MYADML2: variants seen among roughly 807,000 people sequenced by gnomAD.
MYADML2 encodes the protein myeloid associated differentiation marker like 2.
In MYADML2, 17 loss-of-function variants were observed where a neutral mutation model predicts 16.0. The ratio of observed to expected loss-of-function variants is 1.06; its 90% CI spans 0.73 to 1.60. MYADML2 has a LOEUF of 1.60. Ranked by LOEUF, MYADML2 falls within the 40% of genes most tolerant of loss-of-function variation. MYADML2 has a pLI of 0.00. For synonymous variants in MYADML2, 210 were observed against 208.1 expected (o/e 1.01, Z -0.08); for missense variants, 422 against 437.7 (o/e 0.96, Z 0.32).
chr17:81,946,475 C>T (rs559311669), intron 1 of MYADML2, among the ~76,000 whole-genome samples: 37 of 151,578 alleles, frequency 2.4e-4, no homozygotes, highest in South Asian at 1.3e-3. Context: ...GGTGAAACCC[C>T]GTCTCTACTA....
chr17:81,940,710 G>T lies in MYADML2; in HGVS notation c.*108C>A. 1.6e-6 allele frequency: 2 copies of T among 1,241,232 alleles called. No homozygotes were observed. Among genetic ancestry groups the T allele is most frequent in the Non-Finnish European group, 2.2e-6 (2 of 911,612 alleles). 76.9% of individuals were successfully genotyped at this position (1,241,232 alleles called of 1,614,324 possible). A position where few individuals can be genotyped will look rare whatever the true frequency, so the allele number is the denominator to read the frequency against. On this transcript the variant is annotated 3_prime_UTR_variant, in exon 3 of 3. Coordinates refer to ENST00000409745, the MANE Select transcript of MYADML2 (RefSeq NM_001145113.3). ...GTTGTACTTCATCTCCCCTGAGCCC[G>T]CGGCTTCCCTCCTGCTCGCTACTTG...
In MYADML2 at chr17:81,941,182, C is replaced by T. The variant is rs1259677026; in HGVS notation, c.560G>A (p.Arg187His). 12 of 1,550,192 alleles carry T rather than the reference C, an allele frequency of 7.7e-6. No individual in the cohort carries two copies. The highest frequency in any genetic ancestry group is 2.4e-5 in the East Asian group (1 of 40,920). Reference protein sequence around the residue: ...IIFGALVHDSRYGRYVATQWC... With the variant: ...IIFGALVHDSHYGRYVATQWC... ...CTGGGTGGCCACGTAGCGCCCGTAG[C>T]GGCTGTCATGGACCAGCGCCCCGAA... The change falls in exon 3 of 3, where the codon CGC becomes CAC. Residue 187 changes from arginine to histidine, a missense_variant. Coordinates refer to ENST00000409745, the MANE Select transcript of MYADML2 (RefSeq NM_001145113.3).
chr17:81,941,191 T>G lies in MYADML2; in HGVS notation c.551A>C (p.His184Pro), dbSNP rs879207024. The change falls in exon 3 of 3, where the codon CAT becomes CCT. Residue 184 changes from histidine to proline, a missense_variant. His to Pro is a moderately conservative substitution (Grantham distance 77). Transcript: ENST00000409745. ...VACIIFGALV[H>P]DSRYGRYVAT... ...CACGTAGCGCCCGTAGCGGCTGTCA[T>G]GGACCAGCGCCCCGAAGATGATGCA... 1 of 1,550,058 alleles carries G rather than the reference T, an allele frequency of 6.5e-7. No individual in the cohort carries two copies. Among genetic ancestry groups the G allele is most frequent in the African/African-American group, 1.4e-5 (1 of 73,046 alleles).
In MYADML2 at chr17:81,940,778, G is replaced by T; in HGVS notation, c.*40C>A. 1 of 1,464,510 alleles carries T rather than the reference G, an allele frequency of 6.8e-7. No homozygotes were observed. Among genetic ancestry groups the T allele is most frequent in the Non-Finnish European group, 9.1e-7 (1 of 1,103,280 alleles). The allele number at this position is 1,464,510 out of a possible 1,614,324, so 90.7% of individuals were successfully genotyped here. On this transcript the variant is annotated 3_prime_UTR_variant, in exon 3 of 3. Coordinates refer to ENST00000409745, the MANE Select transcript of MYADML2 (RefSeq NM_001145113.3). ...AGTTTCCCTCGCAGAGCCTGGAGCTGGTGGCCAGAGAGCAGAGGTGGGTGG... is the reference window on the plus strand; with the variant it reads ...AGTTTCCCTCGCAGAGCCTGGAGCTTGTGGCCAGAGAGCAGAGGTGGGTGG...
intron 1 of MYADML2, among the ~76,000 whole-genome samples, chr17:81,945,405 G>A (rs2041337344): frequency 6.6e-6 from 1 of 152,070 alleles, no homozygotes; most frequent in Admixed American, 6.5e-5. Context: ...CAGGCGTGGT[G>A]ATGGGCGCCT....
Position 81,942,015 on chromosome 17 carries a change from G to A in MYADML2, c.-102-172C>T, listed in dbSNP as rs2041309623. On this transcript the variant is annotated intron_variant, in intron 2 of 2. Coordinates refer to ENST00000409745, the MANE Select transcript of MYADML2 (RefSeq NM_001145113.3). The surrounding 1 kb of genome is among the most constrained non-coding windows in gnomAD (Gnocchi z 4.4). ...CATCTGACCCCTGGTCCCCTGTGGAGCCCCTGCCGGGACCATTAACCCATT... is the reference window on the plus strand; with the variant it reads ...CATCTGACCCCTGGTCCCCTGTGGAACCCCTGCCGGGACCATTAACCCATT... The A allele has an allele frequency of 2.5e-6, 1 of 401,426 alleles. No individual in the cohort carries two copies. Among genetic ancestry groups the A allele is most frequent in the East Asian group, 3.8e-5 (1 of 26,306 alleles). The allele number at this position is 401,426 out of a possible 1,614,324, so 24.9% of individuals were successfully genotyped here.
chr17:81,944,308 C>T (rs2041327686), intron 1 of MYADML2, among the ~76,000 whole-genome samples: 1 of 151,512 alleles, frequency 6.6e-6, no homozygotes, highest in Non-Finnish European at 1.5e-5. Flanking sequence ...CCCAGCTCCT[C>T]GGGAGGCTGA....
At chr17:81,945,947 G>C (rs1275422701) in intron 1 of MYADML2, among the ~76,000 whole-genome samples, 3 of 152,116 alleles carry the variant, frequency 2.0e-5, no homozygotes, top group Non-Finnish European at 4.4e-5. Flanking sequence ...TCACAAAACT[G>C]GAGGAGGGGC....
chr17:81,941,376 A>C lies in MYADML2; in HGVS notation c.366T>G (p.Cys122Trp), dbSNP rs1416740809. ...RRECSPEPAGCAARDFRLAAS... is the reference protein window; with the variant it reads ...RRECSPEPAGWAARDFRLAAS... The stretch of plus-strand genomic sequence containing the variant: ...CTGCCAGGCGGAAGTCCCTGGCAGC[A>C]CAGCCGGCGGGCTCGGGGGAACACT... Residue 122 changes from cysteine to tryptophan, a missense_variant, in exon 3 of 3, where the codon TGT becomes TGG. Physicochemically the swap from Cys to Trp is radical, Grantham distance 215. Transcript: ENST00000409745. 3 of 1,548,904 alleles carry C rather than the reference A, an allele frequency of 1.9e-6. No homozygotes were observed. In the Admixed American group the frequency reaches 5.9e-5, roughly 30 times the overall value.
At chr17:81,944,360 G>A (rs2041328219) in intron 1 of MYADML2, among the ~76,000 whole-genome samples, 1 of 150,472 alleles carries the variant, frequency 6.6e-6, no homozygotes, top group Admixed American at 6.6e-5. Flanking sequence ...AGCTTGCAGT[G>A]AGCTGAGATC....
In MYADML2 at chr17:81,941,161, G is replaced by C; in HGVS notation, c.581C>G (p.Thr194Ser). The C allele has an allele frequency of 6.5e-7, 1 of 1,550,230 alleles. No homozygotes were observed. The highest frequency in any genetic ancestry group is 8.7e-7 in the Non-Finnish European group (1 of 1,146,956). The change falls in exon 3 of 3, where the codon ACC (threonine) becomes AGC (serine). Residue 194 changes from threonine to serine, a missense_variant. Transcript: ENST00000409745. ...HDSRYGRYVA[T>S]QWCVAVYSLC... ...GCTGTAGACGGCCACGCACCACTGG[G>C]TGGCCACGTAGCGCCCGTAGCGGCT...
chr17:81,946,462 C>G (rs1004233407), intron 1 of MYADML2, among the ~76,000 whole-genome samples: 5 of 151,676 alleles, frequency 3.3e-5, no homozygotes, highest in Middle Eastern at 3.4e-3. Context: ...TCCTGGCCAA[C>G]GTGGTGAAAC....
At chr17:81,943,897 G>A (rs2041324291) in intron 1 of MYADML2, among the ~76,000 whole-genome samples, 1 of 150,228 alleles carries the variant, frequency 6.7e-6, no homozygotes, top group African/African-American at 2.5e-5. Context: ...GGATCACGAG[G>A]TCAGGAGATA....
chr17:81,943,973 G>C (rs185661816), intron 1 of MYADML2, among the ~76,000 whole-genome samples: 1 of 151,676 alleles, frequency 6.6e-6, no homozygotes, highest in South Asian at 2.1e-4. Flanking sequence ...TTAGCCAGGT[G>C]TGGTGGCACG....
At position 81,939,934 on chromosome 17, in the gene MYADML2, CAG is replaced by C. The variant is rs2041287783; in HGVS notation, c.*882_*883del. 6.6e-6 allele frequency: 1 copy of C among 152,370 alleles called. No homozygotes were observed. The highest frequency in any genetic ancestry group is 1.5e-5 in the Non-Finnish European group (1 of 68,150). 9.4% of individuals were successfully genotyped at this position (152,370 alleles called of 1,614,324 possible). On this transcript the variant is annotated 3_prime_UTR_variant, in exon 3 of 3. Coordinates refer to ENST00000409745, the MANE Select transcript of MYADML2 (RefSeq NM_001145113.3). ...TCAGCCGGGCTCCCTCCCAGTGCCA[CAG>C]ATGCCCACAGTGCACAGATGCCCGC...
Position 81,940,700 on chromosome 17 carries a change from C to T in MYADML2, c.*118G>A. 8.7e-7 allele frequency: 1 copy of T among 1,143,688 alleles called. No individual in the cohort carries two copies. The highest frequency in any genetic ancestry group is 1.2e-6 in the Non-Finnish European group (1 of 825,062). 70.8% of individuals were successfully genotyped at this position (1,143,688 alleles called of 1,614,324 possible). ...GACCTCTCCCGTTGTACTTCATCTCCCCTGAGCCCGCGGCTTCCCTCCTGC... is the reference window on the plus strand; with the variant it reads ...GACCTCTCCCGTTGTACTTCATCTCTCCTGAGCCCGCGGCTTCCCTCCTGC... On this transcript the variant is annotated 3_prime_UTR_variant, in exon 3 of 3. Coordinates refer to ENST00000409745, the MANE Select transcript of MYADML2 (RefSeq NM_001145113.3).
rs2041286190 is a variant in MYADML2, at chr17:81,939,770, T to A, written c.*1048A>T. On this transcript the variant is annotated 3_prime_UTR_variant, in exon 3 of 3. Coordinates refer to ENST00000409745, the MANE Select transcript of MYADML2 (RefSeq NM_001145113.3). ...CAGGGGTGGCCAGTGGGTCAGCTCC[T>A]GGCTGGACCAGGCTGGGCTTCTGTG... The A allele has an allele frequency of 6.6e-6, 1 of 152,286 alleles. No homozygotes were observed. The allele number at this position is 152,286 out of a possible 1,614,324, so 9.4% of individuals were successfully genotyped here. A position where few individuals can be genotyped will look rare whatever the true frequency, so the allele number is the denominator to read the frequency against.
In MYADML2 at chr17:81,941,792, C is replaced by T; in HGVS notation, c.-51G>A. The T allele has an allele frequency of 6.9e-7, 1 of 1,450,436 alleles. No individual in the cohort carries two copies. The highest frequency in any genetic ancestry group is 9.1e-7 in the Non-Finnish European group (1 of 1,096,252). 89.8% of individuals were successfully genotyped at this position (1,450,436 alleles called of 1,614,324 possible). A position where few individuals can be genotyped will look rare whatever the true frequency, so the allele number is the denominator to read the frequency against. On this transcript the variant is annotated 5_prime_UTR_variant, in exon 3 of 3. Coordinates refer to ENST00000409745, the MANE Select transcript of MYADML2 (RefSeq NM_001145113.3). ...ACAGTCCCCCAAGGCCCTGGGGTCC[C>T]TGCTGGGCCAAGGCCCCTCAGTCCT...
At position 81,942,754 on chromosome 17, in the gene MYADML2, T is replaced by C. The variant is rs1433005185; in HGVS notation, c.-180-381A>G. On this transcript the variant is annotated intron_variant, in intron 1 of 2. Transcript: ENST00000409745. This position sits in a 1 kb window ranked among gnomAD's most constrained non-coding sequence, Gnocchi z 4.4. Reference sequence around the variant, plus strand: ...TTTTAATAGAGACCGGGTTTCACCATGTTGGCCAGGCTGGTCTTGATCTCT... The same window carrying C: ...TTTTAATAGAGACCGGGTTTCACCACGTTGGCCAGGCTGGTCTTGATCTCT... Among the ~76,000 whole-genome samples the C allele has an allele frequency of 6.6e-6, 1 of 152,132 alleles. No homozygotes were observed. The highest frequency in any genetic ancestry group is 1.5e-5 in the Non-Finnish European group (1 of 68,028).
Sources: gnomAD v4.1 joint callset for allele counts (sites outside exome capture counted in the v4.1 genomes callset) on GRCh38, gnomAD v4.1.1 for gene constraint, Gnocchi (gnomAD v3.1) non-coding constraint, MANE v1.5 for transcripts, NCBI Gene and HGNC (gene_info 2026-07-23, HGNC 2026-07-21) for gene names.